The following KAZN variants were observed in gnomAD, a reference collection of about 807,000 sequenced individuals.
KAZN encodes the protein kazrin.
In KAZN, 40 loss-of-function variants were observed where a neutral mutation model predicts 87.4. That is an observed-to-expected ratio of 0.46 (90% confidence interval 0.36 to 0.60). The LOEUF is 0.60. Among genes scored for constraint, KAZN ranks in the 20% least tolerant of loss-of-function variants. The pLI is 0.00. For synonymous variants in KAZN, 466 were observed against 458.3 expected (o/e 1.02, Z -0.22); for missense variants, 898 against 1,073.9 (o/e 0.84, Z 2.29).
At chr1:13,929,406 T>C (rs1188315840) in intron 1 of KAZN, among the ~76,000 whole-genome samples, 1 of 152,162 alleles carries the variant, frequency 6.6e-6, no homozygotes, top group Non-Finnish European at 1.5e-5. Flanking sequence ...TCTTCATGAC[T>C]GCATTCAGGA....
intron 2 of KAZN, among the ~76,000 whole-genome samples, chr1:14,183,377 T>C (rs1646238906): frequency 6.6e-6 from 1 of 152,102 alleles, no homozygotes; most frequent in Non-Finnish European, 1.5e-5. Context: ...CAATTAGGTG[T>C]TCGTCCCCTA....
At chr1:14,205,913 TA>T (rs1298740486) in intron 2 of KAZN, among the ~76,000 whole-genome samples, 1 of 8,182 alleles carries the variant, frequency 1.2e-4, no homozygotes, top group Non-Finnish European at 2.1e-4. Flanking sequence ...AAAAGCTACC[TA>T]ATGTTAAATG....
chr1:14,001,636 G>A (rs1570495358), intron 1 of KAZN, among the ~76,000 whole-genome samples: 2 of 152,260 alleles, frequency 1.3e-5, no homozygotes, highest in South Asian at 2.1e-4. Flanking sequence ...AAACAGCATG[G>A]CACTTGTACC....
intron 2 of KAZN, among the ~76,000 whole-genome samples, chr1:14,311,508 G>T (rs983405590): frequency 6.6e-6 from 1 of 152,144 alleles, no homozygotes; most frequent in African/African-American, 2.4e-5. Flanking sequence ...TGGATGTATT[G>T]GTGGGGTGGA....
intron 10 of KAZN, among the ~76,000 whole-genome samples, chr1:15,097,772 T>C (rs1573299004): frequency 6.6e-6 from 1 of 152,262 alleles, no homozygotes; most frequent in Non-Finnish European, 1.5e-5. Context: ...GAGCCGAGAC[T>C]GCATCATTAC....
At chr1:14,953,513 CTG>C (rs1662744092) in intron 1 of KAZN, among the ~76,000 whole-genome samples, 1 of 152,204 alleles carries the variant, frequency 6.6e-6, no homozygotes, top group Admixed American at 6.5e-5. Context: ...CATCTATAAA[CTG>C]TGGATGATAA....
rs182808538 is a variant in KAZN, at chr1:14,414,873, A to G, written c.250-184110A>G. Among the ~76,000 whole-genome samples the G allele has an allele frequency of 1.3e-4, 20 of 152,106 alleles. 1 individual carries two copies. The highest frequency in any genetic ancestry group is 4.6e-4 in the Admixed American group (7 of 15,280). ...AACCCCGTCTCTACTAAAAAATACAAAAGTTAGCCAGGTATGGTGGTGCAC... is the reference window on the plus strand; with the variant it reads ...AACCCCGTCTCTACTAAAAAATACAGAAGTTAGCCAGGTATGGTGGTGCAC... On this transcript the variant is annotated intron_variant, in intron 2 of 16. Transcript: ENST00000636203.
At chr1:14,111,679 C>T (rs1644500591) in intron 1 of KAZN, among the ~76,000 whole-genome samples, 1 of 133,440 alleles carries the variant, frequency 7.5e-6, no homozygotes, top group Admixed American at 7.4e-5. Context: ...GAAAGTCCTG[C>T]ACACCTGCGT....
chr1:14,284,800 G>A (rs1277669270), intron 2 of KAZN, among the ~76,000 whole-genome samples: 1 of 152,152 alleles, frequency 6.6e-6, no homozygotes, highest in Non-Finnish European at 1.5e-5. Context: ...GTCAGCAATT[G>A]TCATCTTCAT....
Position 13,948,441 on chromosome 1 carries a change from T to C in KAZN, c.91+54685T>C, listed in dbSNP as rs58153359. 1.6e-4 allele frequency among the ~76,000 whole-genome samples: 24 copies of C among 152,350 alleles called. No homozygotes were observed. In the East Asian group the frequency reaches 4.2e-3, roughly 27 times the overall value. On this transcript the variant is annotated intron_variant, in intron 1 of 16. Transcript: ENST00000636203. ...TCCTGCCACCCTATGAAGAGATGCC[T>C]TCTGCCATGATTGTCAGTTTCCTGA... is the stretch of plus-strand genomic sequence containing the variant.
At chr1:14,199,190 C>G (rs1346044434) in intron 2 of KAZN, among the ~76,000 whole-genome samples, 2 of 152,176 alleles carry the variant, frequency 1.3e-5, no homozygotes, top group African/African-American at 4.8e-5. Context: ...TCCACACTCT[C>G]CTCCATGACT....
intron 2 of KAZN, among the ~76,000 whole-genome samples, chr1:14,977,140 G>C (rs920572037): frequency 2.4e-4 from 37 of 152,238 alleles, no homozygotes; most frequent in African/African-American, 8.9e-4. Flanking sequence ...CCTCGGGGCG[G>C]TGATTCCCCT....
intron 1 of KAZN, among the ~76,000 whole-genome samples, chr1:14,049,569 C>A (rs1642223271): frequency 6.6e-6 from 1 of 152,196 alleles, no homozygotes; most frequent in Non-Finnish European, 1.5e-5. Context: ...CCTATCATCA[C>A]CAGGGTGCTT....
chr1:13,895,601 C>T (rs1468499562), intron 1 of KAZN, among the ~76,000 whole-genome samples: 4 of 152,058 alleles, frequency 2.6e-5, no homozygotes, highest in Non-Finnish European at 5.9e-5. Context: ...AATTAGGACG[C>T]GAAAGGGATG....
At chr1:14,083,854 C>T (rs1643767049) in intron 1 of KAZN, among the ~76,000 whole-genome samples, 1 of 152,210 alleles carries the variant, frequency 6.6e-6, no homozygotes, top group African/African-American at 2.4e-5. Context: ...CTCATGAAAT[C>T]AGTTAATCCT....
rs566591059 is a variant in KAZN at position 14,218,234 on chromosome 1, A to G, written c.249+37642A>G. 1.2e-4 allele frequency among the ~76,000 whole-genome samples: 19 copies of G among 152,282 alleles called. No individual in the cohort carries two copies. The South Asian group carries it at 3.9e-3, about 32-fold the overall frequency. Reference sequence around the variant, plus strand: ...TATTCTGGCATGGAAGAAAGTAAATATAAATGCCAGGTAGAAAAGGTCAAG... The same window carrying G: ...TATTCTGGCATGGAAGAAAGTAAATGTAAATGCCAGGTAGAAAAGGTCAAG... On this transcript the variant is annotated intron_variant, in intron 2 of 16. Coordinates refer to the KAZN transcript ENST00000636203.
chr1:14,052,256 A>G (rs1228303498), intron 1 of KAZN, among the ~76,000 whole-genome samples: 1 of 152,256 alleles, frequency 6.6e-6, no homozygotes, highest in African/African-American at 2.4e-5. Context: ...CTGTGTGTTT[A>G]CACATTCTGC....
rs182797718 is a variant in KAZN at position 14,300,618 on chromosome 1, G to C, written c.249+120026G>C. Among the ~76,000 whole-genome samples, 236 of 152,308 alleles carry C rather than the reference G, an allele frequency of 1.5e-3. 1 individual carries two copies. The highest frequency in any genetic ancestry group is 5.4e-3 in the African/African-American group (226 of 41,576). ...CTGCACAGAGGAAAATCAATCAAAA[G>C]CGTGCAAAAATGGAAACAGACAGGT... On this transcript the variant is annotated intron_variant, in intron 2 of 16. Transcript: ENST00000636203.
At position 14,735,009 on chromosome 1, in the gene KAZN, G is replaced by T. The variant is rs1309918386; in HGVS notation, c.226+135786G>T. On this transcript the variant is annotated intron_variant, in intron 1 of 14. Transcript: ENST00000376030. The surrounding 1 kb of genome is among the most constrained non-coding windows in gnomAD (Gnocchi z 4.3). ...GAGGCAGTAGGTGTGCCTTGTACGA[G>T]GATGTGCGTCTTGGTTTTGGGGAGC... Among the ~76,000 whole-genome samples the T allele has an allele frequency of 6.6e-6, 1 of 152,230 alleles. No individual in the cohort carries two copies. Among genetic ancestry groups the T allele is most frequent in the Non-Finnish European group, 1.5e-5 (1 of 68,046 alleles).
Sources: gnomAD v4.1 joint callset for allele counts (sites outside exome capture counted in the v4.1 genomes callset) on GRCh38, gnomAD v4.1.1 for gene constraint, Gnocchi (gnomAD v3.1) non-coding constraint, MANE v1.5 for transcripts, NCBI Gene and HGNC (gene_info 2026-07-23, HGNC 2026-07-21) for gene names.